FBXO16: variants seen among roughly 807,000 people sequenced by gnomAD.
FBXO16 encodes F-box only protein 16.
Under a neutral mutation model 41.0 loss-of-function variants are expected in FBXO16, and 31 were observed. That is an observed-to-expected ratio of 0.76 (90% CI 0.57 to 1.02). FBXO16 has a LOEUF of 1.02. FBXO16 is among the 50% of genes least tolerant of loss of function. The probability of loss-of-function intolerance (pLI) is 0.00; values close to 1 mark genes in which losing one functional copy is unlikely to be tolerated. For synonymous variants in FBXO16, 133 were observed against 117.8 expected, an observed-to-expected ratio of 1.13 and a Z score of -0.84; for missense variants, 361 against 346.2, an observed-to-expected ratio of 1.04 and a Z score of -0.34.
intron 7 of FBXO16, among the ~76,000 whole-genome samples, chr8:28,445,735 ATCTC>A (rs375451491): frequency 3.3e-5 from 5 of 151,954 alleles, no homozygotes; most frequent in East Asian, 1.9e-4. Context: ...AAAGAAGCTC[ATCTC>A]TCTCTCTCTT....
intron 7 of FBXO16, among the ~76,000 whole-genome samples, chr8:28,446,338 A>T (rs1246797188): frequency 6.6e-6 from 1 of 151,146 alleles, no homozygotes; most frequent in Non-Finnish European, 1.5e-5. Context: ...ACGCCCAGCT[A>T]ATTTTTGTAT....
chr8:28,438,133 T>C (rs1453876822), intron 7 of FBXO16, among the ~76,000 whole-genome samples: 4 of 151,618 alleles, frequency 2.6e-5, no homozygotes, highest in Admixed American at 2.6e-4. Flanking sequence ...CTGGGCAACA[T>C]GGAGAAACCC....
At chr8:28,443,943 T>C (rs144092492) in intron 7 of FBXO16, among the ~76,000 whole-genome samples, 24 of 152,332 alleles carry the variant, frequency 1.6e-4, no homozygotes, top group African/African-American at 5.0e-4. Flanking sequence ...TTGTTTAGCA[T>C]ACAATCAACA....
At chr8:28,486,743 G>A (rs1475239162) in intron 1 of FBXO16, among the ~76,000 whole-genome samples, 1 of 152,024 alleles carries the variant, frequency 6.6e-6, no homozygotes, top group Non-Finnish European at 1.5e-5. Context: ...AGAGGGCTGA[G>A]GTGGGAGAAT....
At chr8:28,484,841 C>A (rs991137809) in intron 1 of FBXO16, among the ~76,000 whole-genome samples, 6 of 152,024 alleles carry the variant, frequency 3.9e-5, no homozygotes, top group African/African-American at 1.4e-4. Flanking sequence ...GATCCACCCC[C>A]CCTGGGCCTC....
intron 3 of FBXO16, among the ~76,000 whole-genome samples, chr8:28,464,676 C>T (rs528406655): frequency 5.9e-5 from 9 of 151,802 alleles, no homozygotes; most frequent in South Asian, 4.2e-4. Flanking sequence ...TTTTTTGAGA[C>T]GGAGTCTCAC....
intron 4 of FBXO16, among the ~76,000 whole-genome samples, chr8:28,458,196 T>C (rs1159712233): frequency 6.6e-6 from 1 of 152,210 alleles, no homozygotes; most frequent in Non-Finnish European, 1.5e-5. Flanking sequence ...CACCTATTTT[T>C]CTATTACTCT....
At chr8:28,449,343 AC>A (rs1802916436) in intron 6 of FBXO16, among the ~76,000 whole-genome samples, 2 of 133,976 alleles carry the variant, frequency 1.5e-5, no homozygotes, top group Non-Finnish European at 3.1e-5. Flanking sequence ...TTTTTTTGAG[AC>A]AGGGTCTTGC....
chr8:28,487,675 G>C (rs1475207768), intron 1 of FBXO16, among the ~76,000 whole-genome samples: 1 of 151,744 alleles, frequency 6.6e-6, no homozygotes, highest in Non-Finnish European at 1.5e-5. Context: ...GATTACAGGT[G>C]TGAGCTGCTG....
intron 3 of FBXO16, chr8:28,465,402 C>A (rs1177032527): frequency 4.4e-6 from 2 of 451,478 alleles, no homozygotes; most frequent in South Asian, 3.1e-5. Context: ...GCAGGAGAAT[C>A]TCTTGAGCCC....
chr8:28,463,035 T>C (rs1803162402), intron 4 of FBXO16, among the ~76,000 whole-genome samples: 2 of 152,236 alleles, frequency 1.3e-5, no homozygotes, highest in South Asian at 4.1e-4. Context: ...TGGCTTATAC[T>C]TTTTTCCCCA....
At chr8:28,460,422 A>ATTTTTTTTTTTTTT in intron 4 of FBXO16, among the ~76,000 whole-genome samples, 1 of 83,096 alleles carries the variant, frequency 1.2e-5, no homozygotes, top group African/African-American at 6.9e-5. Flanking sequence ...ATACCTGGCT[A>ATTTTTTTTTTTTTT]ATTTTTTTTT....
intron 1 of FBXO16, 71 bp downstream of exon 1, chr8:28,490,115 C>T (rs879896702): frequency 1.1e-4 from 17 of 152,132 alleles, no homozygotes; most frequent in African/African-American, 3.1e-4. Flanking sequence ...ACTGATAAAG[C>T]TCATGGGAGG....
intron 5 of FBXO16, among the ~76,000 whole-genome samples, chr8:28,452,699 G>A (rs1410770411): frequency 6.6e-6 from 1 of 152,080 alleles, no homozygotes; most frequent in East Asian, 1.9e-4. Context: ...TATTCGTGAG[G>A]CTGAGGCAGG....
At position 28,435,292 on chromosome 8, in the gene FBXO16, T is replaced by G. The variant is rs189292056; in HGVS notation, c.844-5889A>C. Among the ~76,000 whole-genome samples the G allele has an allele frequency of 5.9e-3, 895 of 151,976 alleles. 14 individuals carry two copies. The highest frequency in any genetic ancestry group is 0.02 in the African/African-American group (842 of 41,418). On this transcript the variant is annotated intron_variant, in intron 7 of 8. Coordinates refer to ENST00000380254, the MANE Select transcript of FBXO16 (RefSeq NM_172366.4). ...TTCAAGTGATTCTCCTGCCTCAGCC[T>G]CCCGAGTAGCTGGGATTACAGGCAC... is the stretch of plus-strand genomic sequence containing the variant.
At chr8:28,486,216 TTTC>T (rs1343277818) in intron 1 of FBXO16, among the ~76,000 whole-genome samples, 2 of 145,586 alleles carry the variant, frequency 1.4e-5, no homozygotes, top group South Asian at 2.3e-4. Context: ...ATTTTCTACA[TTTC>T]TTCTTCTTCT....
Position 28,474,316 on chromosome 8 carries a change from C to CAAA in FBXO16, c.100-512_100-510dup. 3.5e-3 allele frequency among the ~76,000 whole-genome samples: 196 copies of CAAA among 56,648 alleles called. 5 individuals are homozygous for CAAA. The highest frequency in any genetic ancestry group is 9.6e-3 in the Middle Eastern group (1 of 104). The allele number at this position is 56,648 out of a possible 152,430, so 37.2% of individuals were successfully genotyped here. On this transcript the variant is annotated intron_variant, in intron 2 of 8. Coordinates refer to ENST00000380254, the MANE Select transcript of FBXO16 (RefSeq NM_172366.4). Reference sequence around the variant, plus strand: ...CCTGGGTAACAGAGCCAGACCCTGTCAAAAAAAAAAAAAAAAAAAAAAAAA... The same window carrying CAAA: ...CCTGGGTAACAGAGCCAGACCCTGTCAAAAAAAAAAAAAAAAAAAAAAAAAAAA...
chr8:28,481,629 G>A (rs774521098), intron 2 of FBXO16, among the ~76,000 whole-genome samples: 1 of 151,970 alleles, frequency 6.6e-6, no homozygotes, highest in African/African-American at 2.4e-5. Context: ...GGCCAACATC[G>A]TGAAACCCTG....
rs367889163 is a variant in FBXO16 at position 28,473,764 on chromosome 8, A to G, written c.135+8T>C. 6 of 1,596,400 alleles carry G rather than the reference A, an allele frequency of 3.8e-6. No individual in the cohort carries two copies. Among genetic ancestry groups the G allele is most frequent in the Non-Finnish European group, 4.3e-6 (5 of 1,167,852 alleles). On this transcript the variant is annotated splice_region_variant and intron_variant, in intron 3 of 8. Coordinates refer to ENST00000380254, the MANE Select transcript of FBXO16 (RefSeq NM_172366.4). ...CATAATGCAAAAATAGTATTTTTAAATGTTTACCCATTTGCCAAGCAGGGC... is the reference window on the plus strand; with the variant it reads ...CATAATGCAAAAATAGTATTTTTAAGTGTTTACCCATTTGCCAAGCAGGGC...
Sources: gnomAD v4.1 joint callset for allele counts (sites outside exome capture counted in the v4.1 genomes callset) on GRCh38, gnomAD v4.1.1 for gene constraint, MANE v1.5 for transcripts, NCBI Gene and HGNC (gene_info 2026-07-23, HGNC 2026-07-21) for gene names.